LRP1B: variants seen among roughly 807,000 people sequenced by gnomAD.
LRP1B encodes low-density lipoprotein receptor-related protein 1B.
Under a neutral mutation model 556.6 loss-of-function variants are expected in LRP1B, and 217 were observed. The observed-to-expected ratio is 0.39, with a 90% confidence interval of 0.35 to 0.44. The LOEUF is 0.44. Among genes scored for constraint, LRP1B ranks in the 20% least tolerant of loss-of-function variants. LRP1B has a pLI of 1.00. For synonymous variants in LRP1B, 2,047 were observed against 1,865.8 expected (o/e 1.10, Z -2.50); for missense variants, 5,053 against 5,620.8 (o/e 0.90, Z 3.23).
intron 3 of LRP1B, among the ~76,000 whole-genome samples, chr2:141,398,402 T>C (rs940349054): frequency 1.3e-5 from 2 of 152,102 alleles, no homozygotes; most frequent in African/African-American, 4.8e-5. Context: ...TAAAAATATA[T>C]GGAAATATTT....
At chr2:141,553,868 TATA>T (rs1255498994) in intron 2 of LRP1B, among the ~76,000 whole-genome samples, 6 of 137,106 alleles carry the variant, frequency 4.4e-5, no homozygotes, top group Admixed American at 1.5e-4. Flanking sequence ...ATAATATATC[TATA>T]ATAATATAGT....
At chr2:141,625,503 C>T (rs13392452) in intron 2 of LRP1B, among the ~76,000 whole-genome samples, 17,954 of 152,088 alleles carry the variant, frequency 0.12, 1,974 homozygotes, top group African/African-American at 0.28. Context: ...TTTGGTGCTT[C>T]TATTTTGCCC....
chr2:140,707,250 A>C (rs1004251462), intron 37 of LRP1B, among the ~76,000 whole-genome samples: 2 of 152,142 alleles, frequency 1.3e-5, no homozygotes, highest in African/African-American at 4.8e-5. Flanking sequence ...ACCTGAGATA[A>C]CCAAAAAATG....
At chr2:140,278,036 A>AACACACAC (rs34699867) in intron 84 of LRP1B, among the ~76,000 whole-genome samples, 26 of 150,338 alleles carry the variant, frequency 1.7e-4, no homozygotes, top group South Asian at 1.5e-3. Context: ...CACATATACA[A>AACACACAC]ACACACACAC....
intron 60 of LRP1B, among the ~76,000 whole-genome samples, chr2:140,460,852 G>T (rs1012952705): frequency 2.0e-5 from 3 of 151,956 alleles, no homozygotes; most frequent in Admixed American, 1.3e-4. Context: ...AGAAGAAAAG[G>T]GTTGATATAT....
chr2:141,611,318 G>A (rs1314548592), intron 2 of LRP1B, among the ~76,000 whole-genome samples: 1 of 152,170 alleles, frequency 6.6e-6, no homozygotes, highest in African/African-American at 2.4e-5. Context: ...TCATCTGTCA[G>A]ACAAGCTGCT....
At position 140,554,884 on chromosome 2, in the gene LRP1B, G is replaced by GTGTGTGTGTGTGTGTA. The variant is rs56040453; in HGVS notation, c.7195-12914_7195-12913insTACACACACACACACA. On this transcript the variant is annotated intron_variant, in intron 43 of 90. Transcript: ENST00000389484. The stretch of plus-strand genomic sequence containing the variant: ...TGTGTGTGTGTGTGTGTGTGTGTGT[G>GTGTGTGTGTGTGTGTA]TATATGTATATGAACTACTAGCTAG... 2.8e-4 allele frequency among the ~76,000 whole-genome samples: 42 copies of GTGTGTGTGTGTGTGTA among 148,656 alleles called. No individual in the cohort carries two copies. The East Asian group carries it at 6.8e-3, about 24-fold the overall frequency.
At chr2:140,579,215 G>A (rs1297935569) in intron 43 of LRP1B, among the ~76,000 whole-genome samples, 1 of 152,012 alleles carries the variant, frequency 6.6e-6, no homozygotes, top group Non-Finnish European at 1.5e-5. Flanking sequence ...ATGAGACACA[G>A]GAATATATAT....
chr2:141,880,790 G>T (rs1262774523), intron 1 of LRP1B, among the ~76,000 whole-genome samples: 2 of 152,024 alleles, frequency 1.3e-5, no homozygotes, highest in African/African-American at 2.4e-5. Context: ...AGCTAAGCTT[G>T]GTTGTGAGTA....
chr2:142,064,402 T>C (rs904053570), intron 1 of LRP1B, among the ~76,000 whole-genome samples: 1 of 151,578 alleles, frequency 6.6e-6, no homozygotes, highest in Non-Finnish European at 1.5e-5. Flanking sequence ...TATTTTTAAA[T>C]CTAATTATTC....
intron 1 of LRP1B, among the ~76,000 whole-genome samples, chr2:141,875,871 T>C (rs1698742102): frequency 6.6e-6 from 1 of 151,962 alleles, no homozygotes; most frequent in Non-Finnish European, 1.5e-5. Context: ...TTATATATGT[T>C]TTTTCCAATA....
intron 84 of LRP1B, among the ~76,000 whole-genome samples, chr2:140,279,976 G>C (rs1310621907): frequency 6.6e-6 from 1 of 151,822 alleles, no homozygotes; most frequent in Non-Finnish European, 1.5e-5. Context: ...TTATCACTAA[G>C]AGGATCAATT....
At chr2:141,434,265 C>T (rs1341893786) in intron 3 of LRP1B, among the ~76,000 whole-genome samples, 1 of 152,000 alleles carries the variant, frequency 6.6e-6, no homozygotes, top group Admixed American at 6.6e-5. Flanking sequence ...TTCTCTGGGG[C>T]CTTATTCATT....
intron 42 of LRP1B, among the ~76,000 whole-genome samples, chr2:140,600,793 T>TTA (rs1397495521): frequency 7.8e-6 from 1 of 128,432 alleles, no homozygotes; most frequent in African/African-American, 2.7e-5. Context: ...TTTTTTTTTT[T>TTA]ACATAACTGC....
At chr2:140,604,398 A>G (rs1682791035) in intron 41 of LRP1B, among the ~76,000 whole-genome samples, 1 of 151,962 alleles carries the variant, frequency 6.6e-6, no homozygotes, top group African/African-American at 2.4e-5. Flanking sequence ...GTTGTACCCT[A>G]TTTCCTGGAT....
intron 2 of LRP1B, among the ~76,000 whole-genome samples, chr2:141,672,401 A>T (rs553161627): frequency 6.6e-6 from 1 of 152,278 alleles, no homozygotes; most frequent in East Asian, 1.9e-4. Flanking sequence ...CAGGAGATAG[A>T]TGGAGGTACT....
chr2:140,650,844 C>T (rs1175486990), intron 41 of LRP1B, among the ~76,000 whole-genome samples: 1 of 151,994 alleles, frequency 6.6e-6, no homozygotes, highest in East Asian at 1.9e-4. Flanking sequence ...GATTTCCCCT[C>T]GAAAGTAATT....
intron 66 of LRP1B, among the ~76,000 whole-genome samples, chr2:140,414,714 A>T (rs1021551170): frequency 2.0e-5 from 3 of 152,224 alleles, no homozygotes; most frequent in Non-Finnish European, 4.4e-5. Context: ...GAGGTACGTC[A>T]CCTCAGGACC....
At chr2:140,871,079 T>A (rs1693114414) in intron 25 of LRP1B, among the ~76,000 whole-genome samples, 1 of 152,066 alleles carries the variant, frequency 6.6e-6, no homozygotes, top group Non-Finnish European at 1.5e-5. Flanking sequence ...AACACTGACA[T>A]TTGGTAAGTG....
Sources: gnomAD v4.1 joint callset for allele counts (sites outside exome capture counted in the v4.1 genomes callset) on GRCh38, gnomAD v4.1.1 for gene constraint, MANE v1.5 for transcripts, NCBI Gene and HGNC (gene_info 2026-07-23, HGNC 2026-07-21) for gene names.